The following GLIS3 variants were observed in gnomAD, a reference collection of about 807,000 sequenced individuals.
The protein encoded by GLIS3 is GLIS family zinc finger 3, also known as zinc finger protein GLIS3.
Under a neutral mutation model 78.6 loss-of-function variants are expected in GLIS3, and 53 were observed. The observed-to-expected ratio is 0.67, with a 90% CI of 0.54 to 0.85. The LOEUF (loss-of-function observed/expected upper bound fraction) is 0.85. GLIS3 is among the 40% of genes least tolerant of loss of function. The probability of loss-of-function intolerance (pLI) is 0.00; values close to 1 mark genes in which losing one functional copy is unlikely to be tolerated. For missense variants in GLIS3, 1,703 were observed against 1,231.1 expected (o/e 1.38, Z -5.74); for synonymous variants, 684 against 509.9 (o/e 1.34, Z -4.60).
the GLIS3 span, among the ~76,000 whole-genome samples, chr9:4,411,491 G>A: frequency 1.3e-5 from 2 of 152,308 alleles, no homozygotes; most frequent in South Asian, 2.1e-4. Flanking sequence ...AATGCTCACA[G>A]AAAACTAGTA....
intron 2 of GLIS3, among the ~76,000 whole-genome samples, chr9:4,228,650 G>A (rs1012047053): frequency 1.3e-5 from 2 of 152,180 alleles, no homozygotes; most frequent in African/African-American, 4.8e-5. Context: ...ATGTATGCAT[G>A]TATCCATGTG....
intron 4 of GLIS3, among the ~76,000 whole-genome samples, chr9:4,045,404 C>T (rs955195866): frequency 8.5e-5 from 13 of 152,090 alleles, no homozygotes; most frequent in African/African-American, 3.1e-4. Flanking sequence ...GGTGCGATCT[C>T]GGCTCACTGC....
chr9:4,376,138 G>C, the GLIS3 span, among the ~76,000 whole-genome samples: 2 of 152,182 alleles, frequency 1.3e-5, no homozygotes, highest in South Asian at 2.1e-4. Flanking sequence ...TTGGGGTGGG[G>C]TTTGGTGTGC....
intron 2 of GLIS3, chr9:4,285,547 A>G (rs10974437): frequency 0.2 from 30,110 of 152,318 alleles, 3,665 homozygotes; most frequent in Non-Finnish European, 0.27. Flanking sequence ...TTGATTCCTC[A>G]TTTTATTGGT....
At chr9:4,027,476 T>C (rs753702137) in intron 4 of GLIS3, among the ~76,000 whole-genome samples, 139 of 152,230 alleles carry the variant, frequency 9.1e-4, no homozygotes, top group Non-Finnish European at 1.8e-3. Flanking sequence ...ATTAGACATA[T>C]TCACTCCCCC....
intron 4 of GLIS3, among the ~76,000 whole-genome samples, chr9:4,112,611 A>G (rs1421526035): frequency 6.6e-6 from 1 of 152,230 alleles, no homozygotes; most frequent in Non-Finnish European, 1.5e-5. Context: ...GTTAAGAACT[A>G]CAGCCTCAGA....
the GLIS3 span, among the ~76,000 whole-genome samples, chr9:4,438,839 C>G: frequency 6.6e-6 from 1 of 152,214 alleles, no homozygotes; most frequent in Non-Finnish European, 1.5e-5. Flanking sequence ...TCCCCAACCA[C>G]ATGGAACTGT....
chr9:4,200,526 C>T (rs1203727783), intron 2 of GLIS3, among the ~76,000 whole-genome samples: 1 of 152,078 alleles, frequency 6.6e-6, no homozygotes, highest in African/African-American at 2.4e-5. Flanking sequence ...CTATTATGAA[C>T]ACCTCTATGC....
chr9:4,451,974 A>G, the GLIS3 span, among the ~76,000 whole-genome samples: 4 of 152,020 alleles, frequency 2.6e-5, no homozygotes, highest in East Asian at 7.7e-4. Flanking sequence ...CTTATCCACC[A>G]CAATCAAGTC....
intron 2 of GLIS3, among the ~76,000 whole-genome samples, chr9:4,311,820 T>C (rs1469979490): frequency 6.6e-6 from 1 of 152,194 alleles, no homozygotes; most frequent in Non-Finnish European, 1.5e-5. Context: ...GTGACAGGAA[T>C]TCAGTTAGAT....
chr9:3,932,178 A>G (rs1392096771), intron 6 of GLIS3, among the ~76,000 whole-genome samples, 182 bp downstream of exon 6: 2 of 131,988 alleles, frequency 1.5e-5, no homozygotes, highest in African/African-American at 5.1e-5. Flanking sequence ...AACCATAGCC[A>G]TATCAGCTAT....
At chr9:4,250,446 G>A (rs955811870) in intron 2 of GLIS3, among the ~76,000 whole-genome samples, 3 of 152,144 alleles carry the variant, frequency 2.0e-5, no homozygotes, top group Non-Finnish European at 4.4e-5. Flanking sequence ...GTATTTCTGT[G>A]GGATCAGTGG....
At chr9:4,469,585 C>T in the GLIS3 span, among the ~76,000 whole-genome samples, 239 of 152,180 alleles carry the variant, frequency 1.6e-3, no homozygotes, top group African/African-American at 5.5e-3. Context: ...TCTTTGAAAC[C>T]AAACATAACA....
At chr9:3,888,530 C>G (rs1822225682) in intron 7 of GLIS3, among the ~76,000 whole-genome samples, 2 of 152,214 alleles carry the variant, frequency 1.3e-5, no homozygotes, top group Admixed American at 1.3e-4. Flanking sequence ...GAGCCTCTCC[C>G]TTTCCTAGAT....
At chr9:4,241,347 G>T (rs762365115) in intron 2 of GLIS3, among the ~76,000 whole-genome samples, 1 of 152,134 alleles carries the variant, frequency 6.6e-6, no homozygotes, top group Admixed American at 6.6e-5. Flanking sequence ...TGATTAATGA[G>T]TACAGATATA....
the GLIS3 span, among the ~76,000 whole-genome samples, chr9:4,375,307 G>A: frequency 6.6e-6 from 1 of 152,148 alleles, no homozygotes; most frequent in Non-Finnish European, 1.5e-5. Context: ...AGTTCTCGTG[G>A]AACAAACAGA....
At chr9:4,426,848 C>T in the GLIS3 span, among the ~76,000 whole-genome samples, 1 of 152,160 alleles carries the variant, frequency 6.6e-6, no homozygotes, top group Admixed American at 6.5e-5. Flanking sequence ...ATGACCTGAT[C>T]CAAGTAAAAG....
At chr9:3,929,304 G>A (rs1825463120) in intron 6 of GLIS3, among the ~76,000 whole-genome samples, 1 of 152,182 alleles carries the variant, frequency 6.6e-6, no homozygotes, top group African/African-American at 2.4e-5. Flanking sequence ...TCTGCATGCA[G>A]TGAACCAAAT....
intron 2 of GLIS3, among the ~76,000 whole-genome samples, chr9:4,175,903 A>G (rs1816777501): frequency 1.3e-5 from 2 of 152,196 alleles, no homozygotes; most frequent in Admixed American, 6.5e-5. Context: ...AGGTTCCACA[A>G]TTTGGTCCAA....
Sources: gnomAD v4.1 joint callset for allele counts (sites outside exome capture counted in the v4.1 genomes callset) on GRCh38, gnomAD v4.1.1 for gene constraint, MANE v1.5 for transcripts, NCBI Gene and HGNC (gene_info 2026-07-23, HGNC 2026-07-21) for gene names.